MARCHF1: variants seen among roughly 807,000 people sequenced by gnomAD.
The protein encoded by MARCHF1 is E3 ubiquitin-protein ligase MARCHF1.
In MARCHF1, 40 loss-of-function variants were observed where a neutral mutation model predicts 54.2. The observed-to-expected ratio is 0.74, with a 90% CI of 0.57 to 0.96. MARCHF1 has a LOEUF of 0.96. Among genes scored for constraint, MARCHF1 ranks in the 40% least tolerant of loss-of-function variants. The pLI, the probability that MARCHF1 is intolerant of heterozygous loss-of-function variation, is 0.00. For missense variants in MARCHF1, 586 were observed against 656.5 expected, an observed-to-expected ratio of 0.89 and a Z score of 1.17; for synonymous variants, 236 against 236.3, an observed-to-expected ratio of 1.00 and a Z score of 0.01.
At chr4:163,629,543 G>A (rs186608569) in intron 5 of MARCHF1, among the ~76,000 whole-genome samples, 6 of 152,208 alleles carry the variant, frequency 3.9e-5, no homozygotes, top group South Asian at 4.1e-4. Context: ...TAACACAAGC[G>A]AAAATTGACA....
chr4:163,795,375 G>A lies in MARCHF1; in HGVS notation c.111+58646C>T, dbSNP rs529206452. Among the ~76,000 whole-genome samples the A allele has an allele frequency of 3.3e-5, 5 of 152,060 alleles. No homozygotes were observed. In the South Asian group the frequency reaches 8.3e-4, roughly 25 times the overall value. On this transcript the variant is annotated intron_variant, in intron 4 of 9. Coordinates refer to ENST00000514618, the MANE Select transcript of MARCHF1 (RefSeq NM_001394959.1). ...CTCCTGAGTAGCTGGGATTACAGGC[G>A]CACACCACCAGGCCCAGCTAATTTT... is the stretch of plus-strand genomic sequence containing the variant.
intron 1 of MARCHF1, among the ~76,000 whole-genome samples, chr4:164,124,474 A>C (rs1283693817): frequency 6.6e-6 from 1 of 152,196 alleles, no homozygotes; most frequent in Non-Finnish European, 1.5e-5. Context: ...AGATATCTGC[A>C]CTCATGTTTG....
rs368606150 is a variant in MARCHF1 at position 164,094,461 on chromosome 4, T to G, written c.-248+17127A>C. Among the ~76,000 whole-genome samples the G allele has an allele frequency of 2.9e-4, 44 of 151,992 alleles. 2 individuals carry two copies. The South Asian group carries it at 7.1e-3, about 24-fold the overall frequency. On this transcript the variant is annotated intron_variant, in intron 2 of 9. Transcript: ENST00000514618. ...CCAGCAAAGTCCGGAGAGAACAGAG[T>G]AAGATTTGAGCAGTGGATATCAGTG... is the stretch of plus-strand genomic sequence containing the variant.
At chr4:164,318,283 T>G (rs902277659) in intron 1 of MARCHF1, among the ~76,000 whole-genome samples, 3 of 151,998 alleles carry the variant, frequency 2.0e-5, no homozygotes, top group Non-Finnish European at 2.9e-5. Flanking sequence ...ATCATGCAGG[T>G]GATAGCCAAA....
rs1483283983 is a variant in MARCHF1 at position 163,894,690 on chromosome 4, C to T, written c.-38-40521G>A. Among the ~76,000 whole-genome samples, 6 of 8,242 alleles carry T rather than the reference C, an allele frequency of 7.3e-4. 2 individuals carry two copies. The highest frequency in any genetic ancestry group is 9.7e-4 in the African/African-American group (2 of 2,064). 5.4% of individuals were successfully genotyped at this position (8,242 alleles called of 152,430 possible). The stretch of plus-strand genomic sequence containing the variant: ...GTGATGCATATATATGCATGTGATG[C>T]ATATATATATGCATGTGATGCATAT... On this transcript the variant is annotated intron_variant, in intron 3 of 9. Coordinates refer to ENST00000514618, the MANE Select transcript of MARCHF1 (RefSeq NM_001394959.1).
intron 5 of MARCHF1, among the ~76,000 whole-genome samples, chr4:163,687,188 C>G (rs1474270467): frequency 6.6e-5 from 10 of 151,836 alleles, no homozygotes; most frequent in African/African-American, 2.4e-4. Context: ...ACCTGTCTAA[C>G]CCCCCAAGTT....
chr4:164,088,445 A>G (rs945361943), intron 2 of MARCHF1, among the ~76,000 whole-genome samples: 12 of 152,306 alleles, frequency 7.9e-5, no homozygotes, highest in Non-Finnish European at 7.4e-5. Flanking sequence ...TTTAAAATCT[A>G]TAAATCCAAT....
chr4:163,650,481 C>T (rs1742925262), intron 5 of MARCHF1, among the ~76,000 whole-genome samples: 1 of 151,754 alleles, frequency 6.6e-6, no homozygotes, highest in African/African-American at 2.4e-5. Context: ...GGCTTAGTTT[C>T]TTTGTCTGTA....
chr4:163,950,605 T>C (rs1347989982), intron 3 of MARCHF1, among the ~76,000 whole-genome samples: 2 of 152,158 alleles, frequency 1.3e-5, no homozygotes, highest in Admixed American at 1.3e-4. Context: ...CTTCTTCCTG[T>C]TCCCAGCTCC....
At chr4:163,638,835 C>T (rs1742448004) in intron 5 of MARCHF1, among the ~76,000 whole-genome samples, 1 of 152,112 alleles carries the variant, frequency 6.6e-6, no homozygotes, top group African/African-American at 2.4e-5. Flanking sequence ...TCTATACACA[C>T]ACAATAGAAT....
chr4:163,550,657 G>T (rs1739081271), intron 8 of MARCHF1, among the ~76,000 whole-genome samples: 1 of 152,074 alleles, frequency 6.6e-6, no homozygotes, highest in African/African-American at 2.4e-5. Flanking sequence ...GCAGACGAGC[G>T]AAAATAATAC....
At position 163,841,415 on chromosome 4, in the gene MARCHF1, A is replaced by G. The variant is rs368563507; in HGVS notation, c.111+12606T>C. ...CTATACCTTTTGCTCAGTATTGCTA[A>G]GAACATAAAATTGCTATATAAAATA... On this transcript the variant is annotated intron_variant, in intron 4 of 9. Coordinates refer to ENST00000514618, the MANE Select transcript of MARCHF1 (RefSeq NM_001394959.1). Among the ~76,000 whole-genome samples, 4 of 151,172 alleles carry G rather than the reference A, an allele frequency of 2.6e-5. No homozygotes were observed. The South Asian group carries it at 8.4e-4, about 32-fold the overall frequency.
At chr4:163,572,225 C>G (rs1261397584) in intron 8 of MARCHF1, among the ~76,000 whole-genome samples, 1 of 152,072 alleles carries the variant, frequency 6.6e-6, no homozygotes, top group East Asian at 1.9e-4. Flanking sequence ...TCCTTCATCA[C>G]TTAAGCTACT....
chr4:164,306,982 C>A (rs1734712493), intron 1 of MARCHF1, among the ~76,000 whole-genome samples: 1 of 152,072 alleles, frequency 6.6e-6, no homozygotes, highest in African/African-American at 2.4e-5. Flanking sequence ...GGCCCTCTAG[C>A]CTGTAATGAT....
At chr4:163,743,101 T>C (rs1746256143) in intron 4 of MARCHF1, among the ~76,000 whole-genome samples, 1 of 152,144 alleles carries the variant, frequency 6.6e-6, no homozygotes. Flanking sequence ...TTAAACAATA[T>C]CCTTGATTCC....
At chr4:164,170,543 G>T (rs909735144) in intron 1 of MARCHF1, among the ~76,000 whole-genome samples, 1 of 152,000 alleles carries the variant, frequency 6.6e-6, no homozygotes, top group Non-Finnish European at 1.5e-5. Context: ...ACAACGCCAG[G>T]CACTTAATAA....
intron 8 of MARCHF1, among the ~76,000 whole-genome samples, chr4:163,548,081 C>T (rs146409812): frequency 3.1e-4 from 47 of 152,226 alleles, no homozygotes; most frequent in Non-Finnish European, 5.7e-4. Flanking sequence ...AACCTCATGT[C>T]CGTGCAAGAT....
intron 2 of MARCHF1, among the ~76,000 whole-genome samples, chr4:163,991,086 A>G (rs959601137): frequency 6.6e-6 from 1 of 152,184 alleles, no homozygotes; most frequent in Non-Finnish European, 1.5e-5. Context: ...TATTTCAATT[A>G]GCTTTCTTTT....
rs907973430 is a variant in MARCHF1, at chr4:163,999,234, T to TA, written c.-247-10526dup. On this transcript the variant is annotated intron_variant, in intron 2 of 9. Transcript: ENST00000514618. ...GTTTATAAATAGATATTATTTTGGT[T>TA]AAAAAAAACCGACAAAAAATGAAAA... Among the ~76,000 whole-genome samples the TA allele has an allele frequency of 3.2e-3, 480 of 151,212 alleles. 3 individuals carry two copies. The highest frequency in any genetic ancestry group is 0.011 in the African/African-American group (460 of 41,346).
Sources: gnomAD v4.1 joint callset for allele counts (sites outside exome capture counted in the v4.1 genomes callset) on GRCh38, gnomAD v4.1.1 for gene constraint, MANE v1.5 for transcripts, NCBI Gene and HGNC (gene_info 2026-07-23, HGNC 2026-07-21) for gene names.